Variants in NPAS3 observed in about 807,000 individuals in gnomAD.
NPAS3 encodes the protein neuronal PAS domain-containing protein 3.
In NPAS3, 14 loss-of-function variants were observed where a neutral mutation model predicts 73.1. The ratio of observed to expected loss-of-function variants is 0.19; its 90% CI spans 0.13 to 0.30. The LOEUF is 0.30. Among genes scored for constraint, NPAS3 ranks in the 10% least tolerant of loss-of-function variants. The probability of loss-of-function intolerance (pLI) is 1.00; values close to 1 mark genes in which losing one functional copy is unlikely to be tolerated. For synonymous variants in NPAS3, 620 were observed against 541.5 expected (o/e 1.14, Z -2.01); for missense variants, 1,096 against 1,250.0 (o/e 0.88, Z 1.86).
chr14:33,725,202 A>G (rs965732691), intron 6 of NPAS3, among the ~76,000 whole-genome samples: 2 of 152,186 alleles, frequency 1.3e-5, no homozygotes, highest in Non-Finnish European at 2.9e-5. Context: ...AACATAGCAC[A>G]TGTATACTTA....
intron 1 of NPAS3, among the ~76,000 whole-genome samples, chr14:33,052,556 C>A (rs1450255072): frequency 6.6e-6 from 1 of 152,136 alleles, no homozygotes; most frequent in Non-Finnish European, 1.5e-5. Context: ...GAAAATAAAA[C>A]CCTTTAAAAA....
intron 3 of NPAS3, among the ~76,000 whole-genome samples, chr14:33,288,152 G>A (rs1049908833): frequency 6.6e-6 from 1 of 152,130 alleles, no homozygotes. Context: ...GTACAGTTTG[G>A]CATGGGTCGA....
At chr14:33,191,942 A>G (rs1173035542) in intron 2 of NPAS3, among the ~76,000 whole-genome samples, 2 of 152,228 alleles carry the variant, frequency 1.3e-5, no homozygotes, top group South Asian at 2.1e-4. Flanking sequence ...AGTCCTTTAA[A>G]TTTGCTGATG....
chr14:33,434,516 C>A (rs1345932747), intron 4 of NPAS3, among the ~76,000 whole-genome samples: 2 of 150,526 alleles, frequency 1.3e-5, no homozygotes, highest in South Asian at 2.1e-4. Flanking sequence ...GACAGCAAGA[C>A]CCCATCTCAA....
intron 2 of NPAS3, among the ~76,000 whole-genome samples, chr14:33,191,371 G>T (rs568365312): frequency 6.6e-5 from 10 of 152,136 alleles, no homozygotes; most frequent in South Asian, 2.1e-4. Context: ...TATAATTTGA[G>T]CATTTAGTCA....
chr14:33,622,473 A>C (rs976771344), intron 5 of NPAS3, among the ~76,000 whole-genome samples: 2 of 152,238 alleles, frequency 1.3e-5, no homozygotes, highest in Non-Finnish European at 2.9e-5. Flanking sequence ...GAATCAATTG[A>C]TAATGAACCT....
At chr14:33,222,844 A>C (rs2047483684) in intron 3 of NPAS3, among the ~76,000 whole-genome samples, 1 of 152,190 alleles carries the variant, frequency 6.6e-6, no homozygotes, top group Non-Finnish European at 1.5e-5. Flanking sequence ...AGAGTAAAAC[A>C]AGGAAGAGTA....
intron 5 of NPAS3, among the ~76,000 whole-genome samples, chr14:33,675,349 C>T (rs183325815): frequency 3.9e-5 from 6 of 152,268 alleles, no homozygotes; most frequent in Admixed American, 1.3e-4. Context: ...ACAACTCAGA[C>T]GCAGGGGTCA....
intron 5 of NPAS3, among the ~76,000 whole-genome samples, chr14:33,575,606 C>A (rs1040367592): frequency 5.9e-5 from 9 of 152,154 alleles, no homozygotes; most frequent in African/African-American, 2.2e-4. Flanking sequence ...AAGGATGATA[C>A]AGTCCTTCAG....
intron 4 of NPAS3, among the ~76,000 whole-genome samples, chr14:33,433,381 G>A (rs980415485): frequency 6.6e-6 from 1 of 152,196 alleles, no homozygotes; most frequent in African/African-American, 2.4e-5. Flanking sequence ...AGCAAACGCA[G>A]TCTTTGAACT....
intron 5 of NPAS3, among the ~76,000 whole-genome samples, chr14:33,578,702 T>G (rs185530563): frequency 1.3e-5 from 2 of 152,344 alleles, no homozygotes; most frequent in African/African-American, 4.8e-5. Context: ...GGTCAGTCAA[T>G]GCTGAAGTCT....
intron 6 of NPAS3, 145 bp from the exon 7 acceptor site, chr14:33,735,069 C>A (rs1448391698): frequency 4.6e-6 from 3 of 647,554 alleles, no homozygotes; most frequent in South Asian, 4.1e-5. Flanking sequence ...TAAACATTTT[C>A]TAAATGAGGT....
intron 6 of NPAS3, among the ~76,000 whole-genome samples, chr14:33,729,899 A>T (rs2061360249): frequency 6.6e-6 from 1 of 152,218 alleles, no homozygotes; most frequent in Non-Finnish European, 1.5e-5. Flanking sequence ...CTGGATAAAC[A>T]TAAAATCCTC....
At chr14:33,544,825 A>ATATATATATATT in intron 4 of NPAS3, among the ~76,000 whole-genome samples, 4 of 112,184 alleles carry the variant, frequency 3.6e-5, no homozygotes, top group Non-Finnish European at 6.9e-5. Context: ...TATATAATAT[A>ATATATATATATT]TATGTGTATA....
chr14:33,686,235 T>C (rs1248462913), intron 6 of NPAS3, among the ~76,000 whole-genome samples: 2 of 152,000 alleles, frequency 1.3e-5, no homozygotes, highest in Non-Finnish European at 2.9e-5. Flanking sequence ...GCATGCTGCA[T>C]TTGGGAGGCA....
chr14:33,061,216 T>C (rs1172460583), intron 2 of NPAS3, among the ~76,000 whole-genome samples: 1 of 152,166 alleles, frequency 6.6e-6, no homozygotes, highest in African/African-American at 2.4e-5. Flanking sequence ...TCACGGAGGC[T>C]CCAGCAGCAG....
intron 2 of NPAS3, among the ~76,000 whole-genome samples, chr14:33,080,228 C>T (rs982778626): frequency 3.9e-5 from 6 of 152,078 alleles, no homozygotes; most frequent in African/African-American, 1.4e-4. Context: ...CTGCCTCAGC[C>T]TCCCGAGTAG....
intron 1 of NPAS3, among the ~76,000 whole-genome samples, chr14:32,950,272 C>T (rs1220261382): frequency 2.0e-5 from 3 of 152,018 alleles, no homozygotes; most frequent in East Asian, 3.9e-4. Flanking sequence ...TTGTTAAGAA[C>T]ATCTCAAAGA....
At chr14:33,716,898 T>C (rs1043162597) in intron 6 of NPAS3, among the ~76,000 whole-genome samples, 1 of 152,180 alleles carries the variant, frequency 6.6e-6, no homozygotes, top group African/African-American at 2.4e-5. Context: ...CATCTCTCAT[T>C]TCTTATATCC....
Sources: allele counts gnomAD v4.1 joint callset (sites outside exome capture counted in the v4.1 genomes callset), GRCh38; gene constraint gnomAD v4.1.1; transcripts MANE v1.5; gene names NCBI Gene and HGNC (gene_info 2026-07-23, HGNC 2026-07-21).